Variants in SMAD4 observed in about 807,000 individuals in gnomAD.
SMAD4 encodes the protein SMAD family member 4.
A neutral mutation model predicts 63.2 loss-of-function variants in SMAD4; 7 were observed. That is an observed-to-expected ratio of 0.11 (90% CI 0.06 to 0.21). The LOEUF is 0.21. SMAD4 is among the 10% of genes least tolerant of loss of function. The probability of loss-of-function intolerance (pLI) is 1.00; values close to 1 mark genes in which losing one functional copy is unlikely to be tolerated. For synonymous variants in SMAD4, 215 were observed against 235.4 expected (o/e 0.91, Z 0.79); for missense variants, 312 against 693.8 (o/e 0.45, Z 6.18).
chr18:51,061,120 C>T (rs1450775451), intron 8 of SMAD4, among the ~76,000 whole-genome samples: 1 of 151,820 alleles, frequency 6.6e-6, no homozygotes, highest in Non-Finnish European at 1.5e-5. Context: ...ATTTATGGGG[C>T]ACATGAGATG....
chr18:51,069,829 T>C (rs1910270173), intron 10 of SMAD4, among the ~76,000 whole-genome samples: 1 of 152,210 alleles, frequency 6.6e-6, no homozygotes, highest in Non-Finnish European at 1.5e-5. Context: ...TTGGCTGTTG[T>C]CTCTCTCCAT....
intron 1 of SMAD4, among the ~76,000 whole-genome samples, chr18:51,031,123 G>A (rs1003100318): frequency 3.3e-5 from 5 of 152,088 alleles, no homozygotes; most frequent in Non-Finnish European, 7.4e-5. Context: ...TACTTTTTGA[G>A]TACTGAGAGT....
intron 10 of SMAD4, among the ~76,000 whole-genome samples, chr18:51,068,278 C>T (rs1910218297): frequency 6.6e-6 from 1 of 152,210 alleles, no homozygotes; most frequent in Non-Finnish European, 1.5e-5. Context: ...ATGTACCTAT[C>T]ATCCAGCTGC....
At chr18:51,076,092 GTTGT>G (rs1174846853) in intron 10 of SMAD4, among the ~76,000 whole-genome samples, 2 of 152,166 alleles carry the variant, frequency 1.3e-5, no homozygotes, top group African/African-American at 2.4e-5. Context: ...TTTTGTTGTT[GTTGT>G]TTCTTAAGTA....
At chr18:51,059,360 A>G (rs907401902) in intron 7 of SMAD4, among the ~76,000 whole-genome samples, 2 of 152,252 alleles carry the variant, frequency 1.3e-5, no homozygotes, top group Admixed American at 1.3e-4. Context: ...TAATAGTAGT[A>G]TCTACCTCAA....
chr18:51,063,556 G>A (rs1480482981), intron 8 of SMAD4, among the ~76,000 whole-genome samples: 2 of 152,076 alleles, frequency 1.3e-5, no homozygotes, highest in East Asian at 3.9e-4. Context: ...GGGACTACAG[G>A]TGGACACAAC....
At chr18:51,049,258 TTAA>T in intron 3 of SMAD4, 34 bp from the exon 4 acceptor site, 2 of 1,413,192 alleles carry the variant, frequency 1.4e-6, no homozygotes, top group Non-Finnish European at 1.0e-6. Flanking sequence ...ATTGTAATGA[TTAA>T]TGTTTCATTT....
rs1020891007 is a variant in SMAD4, at chr18:51,082,281, T to C, written c.*3814T>C. 1 of 228,926 alleles carries C rather than the reference T, an allele frequency of 4.4e-6. No individual in the cohort carries two copies. The highest frequency in any genetic ancestry group is 2.2e-5 in the African/African-American group (1 of 45,128). The allele number at this position is 228,926 out of a possible 1,614,324, so 14.2% of individuals were successfully genotyped here. A position where few individuals can be genotyped will look rare whatever the true frequency, so the allele number is the denominator to read the frequency against. On this transcript the variant is annotated 3_prime_UTR_variant, in exon 12 of 12. Transcript: ENST00000342988. The stretch of plus-strand genomic sequence containing the variant: ...AGATAGCTATCTAAATAATCTCATA[T>C]CCTCTTTTGCAAAGACTACAGAGAA...
intron 1 of SMAD4, among the ~76,000 whole-genome samples, chr18:51,036,407 G>T (rs946401460): frequency 6.6e-6 from 1 of 152,128 alleles, no homozygotes; most frequent in Non-Finnish European, 1.5e-5. Context: ...ATCAGTAGAT[G>T]GGCAGTCCTT....
At chr18:51,064,461 G>C (rs951661484) in intron 8 of SMAD4, among the ~76,000 whole-genome samples, 6 of 151,964 alleles carry the variant, frequency 3.9e-5, no homozygotes, top group Admixed American at 6.5e-5. Context: ...AACAGGGACT[G>C]TAGCTGTTTT....
rs542415735 is a variant in SMAD4, at chr18:51,059,238, A to T, written c.905-628A>T. Among the ~76,000 whole-genome samples the T allele has an allele frequency of 2.6e-5, 4 of 152,208 alleles. No individual in the cohort carries two copies. The South Asian group carries it at 8.3e-4, about 32-fold the overall frequency. ...TTTTTCCATTTCTTAAGAGAATGTA[A>T]TTTTTAATGGCTGCCTAGGCCGTCA... On this transcript the variant is annotated intron_variant, in intron 7 of 11. Transcript: ENST00000342988.
chr18:51,069,417 T>C (rs1336070194), intron 10 of SMAD4, among the ~76,000 whole-genome samples: 2 of 152,228 alleles, frequency 1.3e-5, no homozygotes, highest in African/African-American at 4.8e-5. Context: ...CCTGGCCTTT[T>C]GTTGTTATTT....
chr18:51,057,186 T>G (rs749724496), intron 5 of SMAD4, among the ~76,000 whole-genome samples: 3 of 152,186 alleles, frequency 2.0e-5, no homozygotes, highest in Non-Finnish European at 4.4e-5. Flanking sequence ...CATGTTACTC[T>G]CTTCCATCTG....
intron 1 of SMAD4, among the ~76,000 whole-genome samples, chr18:51,039,586 G>A (rs1187728201): frequency 6.9e-6 from 1 of 145,670 alleles, no homozygotes. Flanking sequence ...CAACACTGTG[G>A]CCAGGGGGTG....
chr18:51,076,135 G>A (rs936592849), intron 10 of SMAD4, among the ~76,000 whole-genome samples: 1 of 152,068 alleles, frequency 6.6e-6, no homozygotes, highest in Non-Finnish European at 1.5e-5. Flanking sequence ...ATATTATTTT[G>A]CTTCTATTTG....
intron 1 of SMAD4, among the ~76,000 whole-genome samples, chr18:51,039,889 TAAAA>T (rs776013884): frequency 2.6e-5 from 4 of 151,506 alleles, no homozygotes; most frequent in Non-Finnish European, 5.9e-5. Flanking sequence ...TCTTAAAAGT[TAAAA>T]AAAAACTTTT....
chr18:51,039,924 A>G (rs1039603397), intron 1 of SMAD4, among the ~76,000 whole-genome samples: 11 of 152,172 alleles, frequency 7.2e-5, no homozygotes, highest in African/African-American at 2.7e-4. Flanking sequence ...ATTGCTGTAT[A>G]AATGTGCTCT....
At chr18:51,077,593 A>G in intron 11 of SMAD4, among the ~76,000 whole-genome samples, 1 of 152,180 alleles carries the variant, frequency 6.6e-6, no homozygotes. Flanking sequence ...TATGTTCAGG[A>G]GTTTACAATT....
intron 9 of SMAD4, chr18:51,066,717 G>A: frequency 3.2e-6 from 1 of 312,632 alleles, no homozygotes; most frequent in Non-Finnish European, 6.2e-6. Flanking sequence ...AATTTGGACA[G>A]TATGCCTTAG....
Sources: allele counts gnomAD v4.1 joint callset (sites outside exome capture counted in the v4.1 genomes callset), GRCh38; gene constraint gnomAD v4.1.1; transcripts MANE v1.5; gene names NCBI Gene and HGNC (gene_info 2026-07-23, HGNC 2026-07-21).